Variants in RTKN observed in about 807,000 individuals in gnomAD.
RTKN encodes the protein rhotekin.
In RTKN, 49 loss-of-function variants were observed where a neutral mutation model predicts 63.5. The observed-to-expected ratio is 0.77, with a 90% confidence interval of 0.61 to 0.98. The LOEUF is 0.98. Among genes scored for constraint, RTKN ranks in the 50% least tolerant of loss-of-function variants. The pLI, the probability that RTKN is intolerant of heterozygous loss-of-function variation, is 0.00. For synonymous variants in RTKN, 295 were observed against 290.4 expected, an observed-to-expected ratio of 1.02 and a Z score of -0.16; for missense variants, 685 against 740.8, an observed-to-expected ratio of 0.92 and a Z score of 0.87.
Position 74,436,498 on chromosome 2 carries a change from C to T in RTKN, c.112-3832G>A, listed in dbSNP as rs911181476. ...CGGCGGGACCGGACCTCCAGGAGTG[C>T]GCCCGCGCCGCCCTGGAAAAGGCTC... is the stretch of plus-strand genomic sequence containing the variant. On this transcript the variant is annotated intron_variant, in intron 1 of 11. Coordinates refer to ENST00000272430, the MANE Select transcript of RTKN (RefSeq NM_001015055.2). The surrounding 1 kb of genome is among the most constrained non-coding windows in gnomAD (Gnocchi z 4.3). Among the ~76,000 whole-genome samples the T allele has an allele frequency of 2.0e-5, 3 of 152,066 alleles. No homozygotes were observed. Among genetic ancestry groups the T allele is most frequent in the Admixed American group, 2.0e-4 (3 of 15,280 alleles).
In RTKN at chr2:74,426,097, G is replaced by A. The variant is rs1670369733; in HGVS notation, c.*146C>T. ...CAACCACAATTTAAGAGGGGCTTCT[G>A]CCCACCCCTGCAGCCTACCCCAGGT... On this transcript the variant is annotated 3_prime_UTR_variant, in exon 12 of 12. Transcript: ENST00000272430. The A allele has an allele frequency of 1.3e-6, 1 of 771,472 alleles. No individual in the cohort carries two copies. Among genetic ancestry groups the A allele is most frequent in the Non-Finnish European group, 2.1e-6 (1 of 465,418 alleles). 47.8% of individuals were successfully genotyped at this position (771,472 alleles called of 1,614,324 possible).
chr2:74,432,134 G>A (rs1670784791), intron 2 of RTKN: 1 of 442,702 alleles, frequency 2.3e-6, no homozygotes. Context: ...CCAGCGTTGA[G>A]GAAATTAATT....
chr2:74,431,013 C>A (rs1436138170), intron 2 of RTKN: 2 of 300,018 alleles, frequency 6.7e-6, no homozygotes, highest in Non-Finnish European at 1.2e-5. Context: ...AGAAAGACTT[C>A]ATTTCCAGGG....
At chr2:74,429,228 A>G (rs1208167145) in intron 6 of RTKN, among the ~76,000 whole-genome samples, 1 of 152,174 alleles carries the variant, frequency 6.6e-6, no homozygotes, top group Non-Finnish European at 1.5e-5. Flanking sequence ...ACTTGCCCAT[A>G]ATTTATAGGT....
In RTKN at chr2:74,426,323, G is replaced by C. The variant is rs775522238; in HGVS notation, c.1612C>G (p.Leu538Val). 6 of 1,613,654 alleles carry C rather than the reference G, an allele frequency of 3.7e-6. No homozygotes were observed. In the African/African-American group the frequency reaches 6.7e-5, roughly 18 times the overall value. The change falls in exon 12 of 12, where the codon CTC becomes GTC. Residue 538 changes from leucine (L) to valine (V), a missense_variant. Transcript: ENST00000272430. ...GTCCGTGGGGATCGCTGAGGTGGGA[G>C]GGGGGCAACCGAGCGAGCCCTAGGG... Reference protein sequence around the residue: ...HSPRARSVAPLPPQRSPRTRG... With the variant: ...HSPRARSVAPVPPQRSPRTRG...
intron 1 of RTKN, among the ~76,000 whole-genome samples, chr2:74,437,817 T>C (rs1000631825): frequency 6.6e-6 from 1 of 152,190 alleles, no homozygotes; most frequent in African/African-American, 2.4e-5. Flanking sequence ...TGGACACCTT[T>C]CCACAAATTA....
In RTKN at chr2:74,426,138, G is replaced by A. The variant is rs116324821; in HGVS notation, c.*105C>T. ...TACCCCAGGTCCAGCAGAGGAACAGGAGGCCAGACTGGCCAACTTGCTATA... is the reference window on the plus strand; with the variant it reads ...TACCCCAGGTCCAGCAGAGGAACAGAAGGCCAGACTGGCCAACTTGCTATA... On this transcript the variant is annotated 3_prime_UTR_variant, in exon 12 of 12. Transcript: ENST00000272430. 5.3e-4 allele frequency: 531 copies of A among 1,002,518 alleles called. 2 individuals are homozygous for A. In the African/African-American group the frequency reaches 7.9e-3, roughly 15 times the overall value. 62.1% of individuals were successfully genotyped at this position (1,002,518 alleles called of 1,614,324 possible).
At position 74,428,961 on chromosome 2, in the gene RTKN, A is replaced by C; in HGVS notation, c.756-19T>G. The C allele has an allele frequency of 6.2e-7, 1 of 1,602,412 alleles. No individual in the cohort carries two copies. Among genetic ancestry groups the C allele is most frequent in the Non-Finnish European group, 8.5e-7 (1 of 1,169,902 alleles). ...AGGACCACTGAGGGAGATAGGAGAG[A>C]GCATCAGCCAAGGGAGGGGCATGTT... On this transcript the variant is annotated intron_variant, in intron 6 of 11. Transcript: ENST00000272430.
chr2:74,430,695 T>A lies in RTKN; in HGVS notation c.312-18A>T. ...CAGAAGGCCTGTGGATAAATCACAA[T>A]GTCCTGGCCTGGCCTCTAGCCACTA... is the stretch of plus-strand genomic sequence containing the variant. On this transcript the variant is annotated intron_variant, in intron 2 of 11. Transcript: ENST00000272430. The A allele has an allele frequency of 6.2e-7, 1 of 1,606,710 alleles. No individual in the cohort carries two copies. The highest frequency in any genetic ancestry group is 8.5e-7 in the Non-Finnish European group (1 of 1,177,418).
chr2:74,430,566 C>CGT (rs748221629), intron 3 of RTKN, 48 bp from the exon 4 acceptor site: 4 of 1,613,588 alleles, frequency 2.5e-6, no homozygotes, highest in Non-Finnish European at 3.4e-6. Flanking sequence ...GGCAGGAGGC[C>CGT]GTGTGCTTGG....
At chr2:74,430,837 A>G in intron 2 of RTKN, 160 bp from the exon 3 acceptor site, 2 of 678,000 alleles carry the variant, frequency 2.9e-6, no homozygotes, top group Non-Finnish European at 4.9e-6. Context: ...AAAGTTGTTC[A>G]TTGAACCCAG....
rs767377927 is a variant in RTKN, at chr2:74,427,519, T to A, written c.1160A>T (p.Tyr387Phe). ...RPFTLSISNQ[Y>F]GDDEVTHTLQ... ...GGTGTGTGTCACCTCATCATCCCCA[T>A]ACTGGTTACTGATGCTTAGGGTGAA... Residue 387 changes from tyrosine (Y) to phenylalanine (F), a missense_variant, in exon 10 of 12, where the codon TAT (tyrosine) becomes TTT (phenylalanine). Physicochemically the swap from Tyr to Phe is conservative, Grantham distance 22 (BLOSUM62 3). Transcript: ENST00000272430. 1 of 1,614,072 alleles carries A rather than the reference T, an allele frequency of 6.2e-7. No homozygotes were observed. The highest frequency in any genetic ancestry group is 1.3e-5 in the African/African-American group (1 of 74,922).
At chr2:74,433,552 G>A (rs1442943288) in intron 1 of RTKN, among the ~76,000 whole-genome samples, 3 of 150,392 alleles carry the variant, frequency 2.0e-5, no homozygotes, top group Admixed American at 6.6e-5. Context: ...GCAGTGGTAC[G>A]ATCTCAGTTC....
Position 74,428,414 on chromosome 2 carries a change from C to A in RTKN, c.958-18G>T, listed in dbSNP as rs750810857. Reference sequence around the variant, plus strand: ...CCAGCTTGCTGCACAAATGACTCAACATTTTCTGGGGAAGTCACGGCCCCC... The same window carrying A: ...CCAGCTTGCTGCACAAATGACTCAAAATTTTCTGGGGAAGTCACGGCCCCC... On this transcript the variant is annotated intron_variant, in intron 8 of 11. Transcript: ENST00000272430. 4 of 1,614,044 alleles carry A rather than the reference C, an allele frequency of 2.5e-6. No homozygotes were observed. The highest frequency in any genetic ancestry group is 2.5e-6 in the Non-Finnish European group (3 of 1,180,036).
intron 2 of RTKN, chr2:74,430,913 C>A (rs535625317): frequency 4.9e-5 from 27 of 550,732 alleles, no homozygotes; most frequent in Non-Finnish European, 8.4e-5. Context: ...AAGGCACAAG[C>A]TCAGGGCTCC....
Position 74,427,268 on chromosome 2 carries a change from A to T in RTKN, c.1261T>A (p.Trp421Arg). Residue 421 changes from tryptophan to arginine, a missense_variant, in exon 11 of 12, where the codon TGG becomes AGG. Physicochemically the swap from Trp to Arg is moderately radical, Grantham distance 101 (BLOSUM62 -3). Transcript: ENST00000272430. ...ATGATTTCATCACAGCACTGCTTCCATTGGCCTGGAAGAAGAGCGCTGATT... is the reference window on the plus strand; with the variant it reads ...ATGATTTCATCACAGCACTGCTTCCTTTGGCCTGGAAGAAGAGCGCTGATT... ...LWQLFFDMSQ[W>R]KQCCDEIMKI... 3.1e-6 allele frequency: 5 copies of T among 1,614,090 alleles called. No individual in the cohort carries two copies. The highest frequency in any genetic ancestry group is 4.2e-6 in the Non-Finnish European group (5 of 1,180,000).
rs542141016 is a variant in RTKN at position 74,434,242 on chromosome 2, A to G, written c.112-1576T>C. Among the ~76,000 whole-genome samples, 22 of 150,702 alleles carry G rather than the reference A, an allele frequency of 1.5e-4. 1 individual carries two copies. The South Asian group carries it at 4.6e-3, about 32-fold the overall frequency. On this transcript the variant is annotated intron_variant, in intron 1 of 11. Coordinates refer to ENST00000272430, the MANE Select transcript of RTKN (RefSeq NM_001015055.2). ...CTCAGCCTCCTGAGTAGCTGAGATTACAGGCATGTGCCACCACGCCCGAGT... is the reference window on the plus strand; with the variant it reads ...CTCAGCCTCCTGAGTAGCTGAGATTGCAGGCATGTGCCACCACGCCCGAGT...
At position 74,426,361 on chromosome 2, in the gene RTKN, G is replaced by C; in HGVS notation, c.1574C>G (p.Pro525Arg). Reference sequence around the variant, plus strand: ...GCGAGCCCTAGGGGAGTGGTCTGGGGGGACAGCATCCAGGGAAAAGGTTCG... The same window carrying C: ...GCGAGCCCTAGGGGAGTGGTCTGGGCGGACAGCATCCAGGGAAAAGGTTCG... ...RPRTFSLDAV[P>R]PDHSPRARSV... is the part of the protein sequence containing the mutation. Residue 525 changes from proline to arginine, a missense_variant, in exon 12 of 12, where the codon CCC becomes CGC. Coordinates refer to ENST00000272430, the MANE Select transcript of RTKN (RefSeq NM_001015055.2). 1 of 1,612,070 alleles carries C rather than the reference G, an allele frequency of 6.2e-7. No individual in the cohort carries two copies. The highest frequency in any genetic ancestry group is 8.5e-7 in the Non-Finnish European group (1 of 1,178,724).
chr2:74,439,650 T>C (rs1386244573), intron 1 of RTKN: 6 of 1,613,578 alleles, frequency 3.7e-6, no homozygotes, highest in Non-Finnish European at 5.1e-6. Flanking sequence ...CCCTTTCCCT[T>C]GTCAACCCCT....
Sources: gnomAD v4.1 joint callset for allele counts (sites outside exome capture counted in the v4.1 genomes callset) on GRCh38, gnomAD v4.1.1 for gene constraint, Gnocchi (gnomAD v3.1) non-coding constraint, MANE v1.5 for transcripts, NCBI Gene and HGNC (gene_info 2026-07-23, HGNC 2026-07-21) for gene names.